Variants in FGD6 observed in about 807,000 individuals in gnomAD.
FGD6 encodes FYVE, RhoGEF and PH domain-containing protein 6.
FGD6 carries 90 observed loss-of-function variants against 149.4 expected under a neutral mutation model. The ratio of observed to expected loss-of-function variants is 0.60; its 90% CI spans 0.51 to 0.72. The LOEUF is 0.72. Among genes scored for constraint, FGD6 ranks in the 30% least tolerant of loss-of-function variants. The pLI is 0.00. For synonymous variants in FGD6, 527 were observed against 584.0 expected, an observed-to-expected ratio of 0.90 and a Z score of 1.41; for missense variants, 1,437 against 1,684.8, an observed-to-expected ratio of 0.85 and a Z score of 2.57.
chr12:95,081,669 A>G, intron 20 of FGD6, 113 bp from the exon 21 acceptor site: 1 of 306,136 alleles, frequency 3.3e-6, no homozygotes, highest in Non-Finnish European at 5.5e-6. Flanking sequence ...CATAGGTAAG[A>G]TATATATATA....
chr12:95,216,782 A>T (rs1425941666), intron 1 of FGD6, among the ~76,000 whole-genome samples: 3 of 152,114 alleles, frequency 2.0e-5, no homozygotes, highest in Non-Finnish European at 4.4e-5. Flanking sequence ...AATGGGTAAA[A>T]GGTTTACCAG....
chr12:95,101,681 C>CTTTTTTTTTT (rs757955014), intron 14 of FGD6, among the ~76,000 whole-genome samples: 5 of 107,806 alleles, frequency 4.6e-5, no homozygotes, highest in Non-Finnish European at 7.1e-5. Context: ...TTTGAACTTT[C>CTTTTTTTTTT]TTTTTTTTTT....
intron 18 of FGD6, among the ~76,000 whole-genome samples, chr12:95,089,331 T>C (rs956764009): frequency 6.6e-6 from 1 of 152,210 alleles, no homozygotes; most frequent in African/African-American, 2.4e-5. Context: ...ATCTTTACTT[T>C]CTATCACTGC....
chr12:95,189,356 G>C (rs1881527063), intron 2 of FGD6: 1 of 152,226 alleles, frequency 6.6e-6, no homozygotes, highest in Admixed American at 6.6e-5. Context: ...CTGCTATCAA[G>C]AGTCAATCTA....
intron 8 of FGD6, among the ~76,000 whole-genome samples, chr12:95,122,800 G>T (rs375286669): frequency 2.6e-5 from 4 of 151,278 alleles, no homozygotes; most frequent in African/African-American, 4.9e-5. Flanking sequence ...TGTCATCTCG[G>T]GAGGGGCACA....
chr12:95,117,240 A>G (rs1281766968), intron 8 of FGD6, among the ~76,000 whole-genome samples: 2 of 148,762 alleles, frequency 1.3e-5, no homozygotes, highest in Admixed American at 6.7e-5. Context: ...TTATCAAAGG[A>G]AAAAAAAAGC....
At chr12:95,177,301 C>T (rs1019403191) in intron 2 of FGD6, among the ~76,000 whole-genome samples, 13 of 152,034 alleles carry the variant, frequency 8.6e-5, no homozygotes, top group African/African-American at 2.4e-4. Context: ...ATCGGATGGC[C>T]GAGAGAAGGA....
chr12:95,190,628 C>A, intron 2 of FGD6, among the ~76,000 whole-genome samples: 1 of 152,104 alleles, frequency 6.6e-6, no homozygotes, highest in East Asian at 1.9e-4. Flanking sequence ...GGAGACAAGA[C>A]AGCAGAGTCT....
intron 2 of FGD6, among the ~76,000 whole-genome samples, chr12:95,173,490 TC>T (rs1041913892): frequency 1.3e-4 from 20 of 152,242 alleles, no homozygotes; most frequent in African/African-American, 4.8e-4. Flanking sequence ...ATTTACCAAT[TC>T]CTCCTTGCCA....
At chr12:95,145,609 G>T (rs554259617) in intron 5 of FGD6, among the ~76,000 whole-genome samples, 3 of 152,024 alleles carry the variant, frequency 2.0e-5, no homozygotes, top group Non-Finnish European at 2.9e-5. Context: ...CCACTTGCCC[G>T]TAATATATTT....
intron 3 of FGD6, among the ~76,000 whole-genome samples, chr12:95,172,355 A>G (rs1881018294): frequency 6.6e-6 from 1 of 152,212 alleles, no homozygotes; most frequent in Admixed American, 6.5e-5. Context: ...CAGCCTGGGC[A>G]ACAGAGCAAG....
intron 14 of FGD6, among the ~76,000 whole-genome samples, chr12:95,103,983 C>G (rs2136239469): frequency 6.6e-6 from 1 of 152,330 alleles, no homozygotes; most frequent in South Asian, 2.1e-4. Context: ...TTTGTTAGAA[C>G]CTTTAAGTGA....
At chr12:95,100,718 CAG>C (rs1878399261) in intron 14 of FGD6, 1 of 532,170 alleles carries the variant, frequency 1.9e-6, no homozygotes, top group Non-Finnish European at 3.8e-6. Flanking sequence ...GCCCTTGCAA[CAG>C]ACAGTGCTGA....
chr12:95,207,339 C>T (rs2056697785), intron 2 of FGD6, among the ~76,000 whole-genome samples: 1 of 152,176 alleles, frequency 6.6e-6, no homozygotes, highest in South Asian at 2.1e-4. Flanking sequence ...AACATCTTTC[C>T]TTTATAAATT....
chr12:95,140,442 C>A (rs1045136183), intron 6 of FGD6, among the ~76,000 whole-genome samples: 6 of 152,146 alleles, frequency 3.9e-5, no homozygotes, highest in Non-Finnish European at 7.3e-5. Flanking sequence ...TATGATGAAA[C>A]CCCGCCTCTA....
At chr12:95,133,638 C>T (rs1297240845) in intron 8 of FGD6, among the ~76,000 whole-genome samples, 2 of 152,150 alleles carry the variant, frequency 1.3e-5, no homozygotes, top group East Asian at 1.9e-4. Flanking sequence ...ATTGACTTTA[C>T]GGTTGTGGCC....
chr12:95,127,134 A>T (rs1160187873), intron 8 of FGD6, among the ~76,000 whole-genome samples: 5 of 150,996 alleles, frequency 3.3e-5, no homozygotes, highest in African/African-American at 9.7e-5. Flanking sequence ...TTTTTTTTTT[A>T]AATCAAGTTC....
intron 3 of FGD6, among the ~76,000 whole-genome samples, chr12:95,164,127 A>G (rs991585014): frequency 6.6e-6 from 1 of 152,252 alleles, no homozygotes; most frequent in Admixed American, 6.5e-5. Flanking sequence ...TAACTTTGTC[A>G]AGGTCATAAA....
intron 9 of FGD6, among the ~76,000 whole-genome samples, 180 bp from the exon 10 acceptor site, chr12:95,108,741 AAAC>A (rs1878715432): frequency 6.6e-6 from 1 of 152,134 alleles, no homozygotes; most frequent in African/African-American, 2.4e-5. Context: ...AAACCAAACC[AAAC>A]AACACCACCA....
Sources: gnomAD v4.1 joint callset for allele counts (sites outside exome capture counted in the v4.1 genomes callset) on GRCh38, gnomAD v4.1.1 for gene constraint, MANE v1.5 for transcripts, NCBI Gene and HGNC (gene_info 2026-07-23, HGNC 2026-07-21) for gene names.